The following DHTKD1 variants were observed in gnomAD, a reference collection of about 807,000 sequenced individuals.
The protein encoded by DHTKD1 is 2-oxoadipate dehydrogenase complex component E1.
DHTKD1 carries 78 observed loss-of-function variants against 101.8 expected under a neutral mutation model. That is an observed-to-expected ratio of 0.77 (90% confidence interval 0.64 to 0.93). The LOEUF is 0.93. Ranked by LOEUF, DHTKD1 falls within the 40% of genes least tolerant of loss-of-function variation. The pLI is 0.00. For missense variants in DHTKD1, 1,223 were observed against 1,161.7 expected, an observed-to-expected ratio of 1.05 and a Z score of -0.77; for synonymous variants, 462 against 450.3, an observed-to-expected ratio of 1.03 and a Z score of -0.33.
At chr10:12,072,901 T>A (rs1588599415) in intron 1 of DHTKD1, among the ~76,000 whole-genome samples, 2 of 151,864 alleles carry the variant, frequency 1.3e-5, no homozygotes, top group East Asian at 3.9e-4. Context: ...CACACCTGGC[T>A]AATTTTGTAT....
intron 2 of DHTKD1, among the ~76,000 whole-genome samples, chr10:12,084,328 T>G (rs954135765): frequency 1.3e-5 from 2 of 152,044 alleles, no homozygotes; most frequent in African/African-American, 2.4e-5. Flanking sequence ...TAAATTTTTT[T>G]TAAATATGAA....
In DHTKD1 at chr10:12,106,381, A is replaced by G. The variant is rs1046306649; in HGVS notation, c.2032A>G (p.Thr678Ala). 1.9e-6 allele frequency: 3 copies of G among 1,614,034 alleles called. No individual in the cohort carries two copies. The African/African-American group carries it at 4.0e-5, about 22-fold the overall frequency. Residue 678 changes from threonine (T) to alanine (A), a missense_variant, in exon 11 of 17, where the codon ACA becomes GCA. Physicochemically the swap from Thr to Ala is moderately conservative, Grantham distance 58. Transcript: ENST00000263035. The stretch of plus-strand genomic sequence containing the variant: ...CAATGGTGCCCAGATCATCTTTGAC[A>G]CATTCATCTCTGGAGGTTGGTGTCA... The part of the protein sequence containing the change: ...FFNGAQIIFD[T>A]FISGGEAKWL...
At chr10:12,088,866 T>C in intron 4 of DHTKD1, 120 bp from the exon 5 acceptor site, 5 of 917,980 alleles carry the variant, frequency 5.4e-6, no homozygotes, top group Non-Finnish European at 8.4e-6. Context: ...ATTACAGGCA[T>C]AAGCCACCAC....
In DHTKD1 at chr10:12,077,678, G is replaced by T. The variant is rs545410060; in HGVS notation, c.155-3794G>T. On this transcript the variant is annotated intron_variant, in intron 1 of 16. Transcript: ENST00000263035. ...ATAAAGAGAGAACTAATGATAGGGA[G>T]ATGTCAATGAAGAATGAGGAGGGCC... Among the ~76,000 whole-genome samples, 38 of 152,306 alleles carry T rather than the reference G, an allele frequency of 2.5e-4. 1 individual carries two copies. Among genetic ancestry groups the T allele is most frequent in the African/African-American group, 7.9e-4 (33 of 41,572 alleles).
Position 12,106,254 on chromosome 10 carries a change from C to T in DHTKD1, c.1905C>T (p.Asn635=), listed in dbSNP as rs2131619554. ...CTCTTCTCTGGGATTAGGTCAGCAA[C>T]AGCCCACTGTCAGAAGAGGCCGTCC... The part of the protein sequence containing the change: ...PNQKGFLEVS[N]SPLSEEAVLG... Residue 635 remains asparagine, a synonymous_variant, in exon 11 of 17, where the codon AAC becomes AAT. Transcript: ENST00000263035. The T allele has an allele frequency of 6.2e-7, 1 of 1,614,144 alleles. No homozygotes were observed. The highest frequency in any genetic ancestry group is 8.5e-7 in the Non-Finnish European group (1 of 1,179,998).
chr10:12,104,685 C>T (rs1272407109), intron 10 of DHTKD1, among the ~76,000 whole-genome samples: 1 of 152,086 alleles, frequency 6.6e-6, no homozygotes, highest in Non-Finnish European at 1.5e-5. Context: ...CCTCGACCTC[C>T]TGTGTCCAAG....
chr10:12,089,059 A>C lies in DHTKD1; in HGVS notation c.791A>C (p.His264Pro), dbSNP rs753304961. ...TCAGCCACTGGAGACGTCCTGTCTC[A>C]CCTGACCTCCTCTGTGGACCTGTAC... ...NFSATGDVLS[H>P]LTSSVDLYFG... is the part of the protein sequence containing the mutation. The change falls in exon 5 of 17, where the codon CAC (histidine) becomes CCC (proline). Residue 264 changes from histidine (H) to proline (P), a missense_variant. By Grantham distance (77) the His-to-Pro change is moderately conservative. Coordinates refer to ENST00000263035, the MANE Select transcript of DHTKD1 (RefSeq NM_018706.7). 1 of 1,614,064 alleles carries C rather than the reference A, an allele frequency of 6.2e-7. No homozygotes were observed. Among genetic ancestry groups the C allele is most frequent in the Non-Finnish European group, 8.5e-7 (1 of 1,179,942 alleles).
chr10:12,073,367 G>T (rs1222712284), intron 1 of DHTKD1, among the ~76,000 whole-genome samples: 8 of 150,468 alleles, frequency 5.3e-5, no homozygotes, highest in Non-Finnish European at 3.0e-5. Flanking sequence ...TTTTTTTTTG[G>T]ACAGGGTCTT....
intron 1 of DHTKD1, among the ~76,000 whole-genome samples, chr10:12,075,404 GA>G (rs1180029960): frequency 1.3e-5 from 2 of 151,604 alleles, no homozygotes; most frequent in African/African-American, 2.4e-5. Context: ...TCTTGCTTAT[GA>G]TTTTTTTTGT....
In DHTKD1 at chr10:12,091,531, T is replaced by A; in HGVS notation, c.1006T>A (p.Phe336Ile). 1 of 1,607,826 alleles carries A rather than the reference T, an allele frequency of 6.2e-7. No individual in the cohort carries two copies. Among genetic ancestry groups the A allele is most frequent in the Non-Finnish European group, 8.5e-7 (1 of 1,177,082 alleles). ...GATTTAGGTCCATGGTGATGCTTCT[T>A]TCTGTGGTCAAGGGATTGTTCCTGA... is the stretch of plus-strand genomic sequence containing the variant. ...ICLQVHGDAS[F>I]CGQGIVPETF... The change falls in exon 6 of 17, where the codon TTC becomes ATC. Residue 336 changes from phenylalanine (F) to isoleucine (I), a missense_variant. Physicochemically the swap from Phe to Ile is conservative, Grantham distance 21. Transcript: ENST00000263035.
rs957300546 is a variant in DHTKD1 at position 12,122,975 on chromosome 10, G to C, written c.*2087G>C. 1 of 152,142 alleles carries C rather than the reference G, an allele frequency of 6.6e-6. No individual in the cohort carries two copies. The highest frequency in any genetic ancestry group is 2.4e-5 in the African/African-American group (1 of 41,426). 9.4% of individuals were successfully genotyped at this position (152,142 alleles called of 1,614,324 possible). A position where few individuals can be genotyped will look rare whatever the true frequency, so the allele number is the denominator to read the frequency against. On this transcript the variant is annotated 3_prime_UTR_variant, in exon 17 of 17. Transcript: ENST00000263035. ...ACATATAGGCTGTTCTAGCCACAGT[G>C]GTAGATTTATGATTCACATCCGAAA...
At chr10:12,101,528 A>G (rs1189005207) in intron 10 of DHTKD1, among the ~76,000 whole-genome samples, 1 of 152,246 alleles carries the variant, frequency 6.6e-6, no homozygotes, top group African/African-American at 2.4e-5. Context: ...ACTTAAGGAT[A>G]GCAAAATCGC....
chr10:12,100,274 C>CTTTTTTTTTTTTGTTTTTTTTTTTT lies in DHTKD1; in HGVS notation c.1756+22_1756+23insTTGTTTTTTTTTTTTTTTTTTTTTT. 2.8e-6 allele frequency: 1 copy of CTTTTTTTTTTTTGTTTTTTTTTTTT among 351,674 alleles called. No homozygotes were observed. Among genetic ancestry groups the CTTTTTTTTTTTTGTTTTTTTTTTTT allele is most frequent in the Non-Finnish European group, 4.3e-6 (1 of 232,896 alleles). 21.8% of individuals were successfully genotyped at this position (351,674 alleles called of 1,614,324 possible). The stretch of plus-strand genomic sequence containing the variant: ...TTTACTTGCTCAAGGTAAGAATTTT[C>CTTTTTTTTTTTTGTTTTTTTTTTTT]TTTTTTTTTTCTGTTTTTTTTTTTT... On this transcript the variant is annotated intron_variant, in intron 9 of 16. Coordinates refer to ENST00000263035, the MANE Select transcript of DHTKD1 (RefSeq NM_018706.7).
intron 1 of DHTKD1, among the ~76,000 whole-genome samples, chr10:12,072,102 C>G (rs939332545): frequency 9.2e-5 from 14 of 152,104 alleles, no homozygotes; most frequent in African/African-American, 3.4e-4. Flanking sequence ...ATATGTTTAT[C>G]TTGGCTAAAA....
intron 1 of DHTKD1, among the ~76,000 whole-genome samples, chr10:12,080,441 A>G (rs1588603479): frequency 1.3e-5 from 2 of 151,552 alleles, no homozygotes; most frequent in Admixed American, 6.6e-5. Context: ...GGCCAGGTAC[A>G]TTGGTTCACG....
intron 12 of DHTKD1, 47 bp from the exon 13 acceptor site, chr10:12,112,853 A>C: frequency 1.9e-6 from 3 of 1,540,826 alleles, no homozygotes; most frequent in Non-Finnish European, 2.6e-6. Context: ...TACGACTGAA[A>C]TAGATGATCT....
Position 12,117,686 on chromosome 10 carries a change from C to T in DHTKD1, c.2333C>T (p.Thr778Ile). 1.2e-6 allele frequency: 2 copies of T among 1,602,062 alleles called. No homozygotes were observed. Among genetic ancestry groups the T allele is most frequent in the Non-Finnish European group, 1.7e-6 (2 of 1,172,764 alleles). The change falls in exon 14 of 17, where the codon ACT becomes ATT. Residue 778 changes from threonine (T) to isoleucine (I), a missense_variant. Coordinates refer to ENST00000263035, the MANE Select transcript of DHTKD1 (RefSeq NM_018706.7). The stretch of plus-strand genomic sequence containing the variant: ...TCTCCCTCGTAGGCAGCCGTGTCAA[C>T]TCTTCAAGAAATGGCACCAGGAACA... ...MLLRLPAAVS[T>I]LQEMAPGTTF...
intron 8 of DHTKD1, among the ~76,000 whole-genome samples, chr10:12,098,917 T>C (rs1833114911): frequency 6.6e-6 from 1 of 152,220 alleles, no homozygotes; most frequent in Non-Finnish European, 1.5e-5. Flanking sequence ...CTATCTGTAA[T>C]ACCAGTGCTT....
At position 12,069,011 on chromosome 10, in the gene DHTKD1, G is replaced by A; in HGVS notation, c.-23G>A. Reference sequence around the variant, plus strand: ...TCCCCTCGGGCTCCCGCCTTAGCATGCTGGCCGGGACATCTGGTGAACATG... The same window carrying A: ...TCCCCTCGGGCTCCCGCCTTAGCATACTGGCCGGGACATCTGGTGAACATG... On this transcript the variant is annotated 5_prime_UTR_variant, in exon 1 of 17. It removes an upstream start codon present in the reference 5' UTR. Transcript: ENST00000263035. 1 of 1,612,504 alleles carries A rather than the reference G, an allele frequency of 6.2e-7. No individual in the cohort carries two copies. The highest frequency in any genetic ancestry group is 8.5e-7 in the Non-Finnish European group (1 of 1,179,418).
Sources: allele counts gnomAD v4.1 joint callset (sites outside exome capture counted in the v4.1 genomes callset), GRCh38; gene constraint gnomAD v4.1.1; transcripts MANE v1.5; gene names NCBI Gene and HGNC (gene_info 2026-07-23, HGNC 2026-07-21).